The following PTPRN variants were observed in gnomAD, a reference collection of about 807,000 sequenced individuals.
The protein encoded by PTPRN is receptor-type tyrosine-protein phosphatase-like N.
Under a neutral mutation model 108.5 loss-of-function variants are expected in PTPRN, and 70 were observed. The ratio of observed to expected loss-of-function variants is 0.65; its 90% CI spans 0.53 to 0.79. The LOEUF is 0.79. PTPRN is among the 30% of genes least tolerant of loss of function. The pLI is 0.00. For missense variants in PTPRN, 1,136 were observed against 1,295.5 expected, an observed-to-expected ratio of 0.88 and a Z score of 1.89; for synonymous variants, 496 against 524.6, an observed-to-expected ratio of 0.95 and a Z score of 0.75.
At chr2:219,309,071 T>C (rs1574936652) in intron 1 of PTPRN, 147 bp downstream of exon 1, 1 of 1,367,044 alleles carries the variant, frequency 7.3e-7, no homozygotes, top group Non-Finnish European at 9.6e-7. Flanking sequence ...CGAGACGCCC[T>C]CTCACCTTCC....
chr2:219,302,189 C>T lies in PTPRN; in HGVS notation c.942G>A (p.Lys314=), dbSNP rs1457243111. 1 of 1,609,396 alleles carries T rather than the reference C, an allele frequency of 6.2e-7. No individual in the cohort carries two copies. The highest frequency in any genetic ancestry group is 1.1e-5 in the South Asian group (1 of 90,940). ...RAEDSPEGYE[K]EGLGDRGEKP... is the part of the protein sequence containing the mutation. ...TCTCTCCACGATCCCCTAGTCCTTCCTTCTCATAGCCCTCTGGGGAGTCCT... is the reference window on the plus strand; with the variant it reads ...TCTCTCCACGATCCCCTAGTCCTTCTTTCTCATAGCCCTCTGGGGAGTCCT... The change falls in exon 6 of 23, where the codon AAG becomes AAA. Residue 314 remains lysine (K), a synonymous_variant. Transcript: ENST00000295718.
At chr2:219,302,001 T>G in intron 6 of PTPRN, 136 bp downstream of exon 6, 2 of 910,130 alleles carry the variant, frequency 2.2e-6, no homozygotes, top group Middle Eastern at 2.9e-4. Context: ...TAGAACAGCT[T>G]GTCAGTAGAC....
chr2:219,290,172 C>A lies in PTPRN; in HGVS notation c.*54G>T. 6.6e-7 allele frequency: 1 copy of A among 1,508,384 alleles called. No homozygotes were observed. Among genetic ancestry groups the A allele is most frequent in the South Asian group, 1.1e-5 (1 of 88,612 alleles). The allele number at this position is 1,508,384 out of a possible 1,614,324, so 93.4% of individuals were successfully genotyped here. The stretch of plus-strand genomic sequence containing the variant: ...TGAGGAGTGGGTACACAGAGATGCT[C>A]ACACAGGCAAAGAGGGACAGAGGCT... On this transcript the variant is annotated 3_prime_UTR_variant, in exon 23 of 23. Transcript: ENST00000295718. The surrounding 1 kb of genome is among the most constrained non-coding windows in gnomAD (Gnocchi z 4.2).
rs137930735 is a variant in PTPRN, at chr2:219,297,994, G to A, written c.1778C>T (p.Ala593Val). Reference sequence around the variant, plus strand: ...CCGCACACACAGAGCCACAGCCAGAGCCACCAGCAGCCCAGCCACACCTGC... The same window carrying A: ...CCGCACACACAGAGCCACAGCCAGAACCACCAGCAGCCCAGCCACACCTGC... ...ALAGVAGLLV[A>V]LAVALCVRQH... The change falls in exon 13 of 23, where the codon GCT becomes GTT. Residue 593 changes from alanine (A) to valine (V), a missense_variant. Coordinates refer to ENST00000295718, the MANE Select transcript of PTPRN (RefSeq NM_002846.4). The surrounding 1 kb of genome is among the most constrained non-coding windows in gnomAD (Gnocchi z 6.0). The A allele has an allele frequency of 1.1e-3, 1,804 of 1,613,862 alleles. 34 individuals are homozygous for A. Among genetic ancestry groups the A allele is most frequent in the Non-Finnish European group, 6.0e-5 (71 of 1,179,962 alleles).
chr2:219,304,491 C>CA (rs983823983), intron 3 of PTPRN, among the ~76,000 whole-genome samples: 1 of 152,016 alleles, frequency 6.6e-6, no homozygotes, highest in Non-Finnish European at 1.5e-5. Context: ...CTCTTTCCCC[C>CA]AAAAAAACTC....
intron 8 of PTPRN, chr2:219,300,511 C>G: frequency 2.1e-6 from 1 of 485,376 alleles, no homozygotes; most frequent in East Asian, 3.3e-5. Context: ...ACAGAAAACC[C>G]CTGCAGCAAG....
intron 19 of PTPRN, 149 bp downstream of exon 19, chr2:219,294,826 A>G: frequency 1.2e-6 from 1 of 810,182 alleles, no homozygotes; most frequent in East Asian, 3.4e-5. Flanking sequence ...GCCTGCTTTT[A>G]GGGGTGGGAG....
rs1014273528 is a variant in PTPRN at position 219,290,482 on chromosome 2, G to A, written c.2868+56C>T. The A allele has an allele frequency of 1.3e-6, 2 of 1,505,526 alleles. No individual in the cohort carries two copies. Among genetic ancestry groups the A allele is most frequent in the African/African-American group, 1.4e-5 (1 of 72,196 alleles). 93.3% of individuals were successfully genotyped at this position (1,505,526 alleles called of 1,614,324 possible). The stretch of plus-strand genomic sequence containing the variant: ...CTGCTGCTTTCCCTGGGGTGGCCAA[G>A]AAGTGGGTGCTAGGGAAGGGTGGGA... On this transcript the variant is annotated intron_variant, in intron 22 of 22. Transcript: ENST00000295718. This position sits in a 1 kb window ranked among gnomAD's most constrained non-coding sequence, Gnocchi z 4.2.
chr2:219,300,231 T>C lies in PTPRN; in HGVS notation c.1190A>G (p.Asp397Gly), dbSNP rs778990732. ...KTMEGPVEGR[D>G]TAELPARTSP... ...TGTGCGGGCTGGAAGCTCTGCTGTG[T>C]CTCTGCCCTCCACCGGCCCCTCCAT... The change falls in exon 9 of 23, where the codon GAC becomes GGC. Residue 397 changes from aspartate (D) to glycine (G), a missense_variant. Coordinates refer to ENST00000295718, the MANE Select transcript of PTPRN (RefSeq NM_002846.4). 6.3e-7 allele frequency: 1 copy of C among 1,586,914 alleles called. No homozygotes were observed. Among genetic ancestry groups the C allele is most frequent in the Non-Finnish European group, 8.6e-7 (1 of 1,164,940 alleles).
At position 219,290,006 on chromosome 2, in the gene PTPRN, AG is replaced by A; in HGVS notation, c.*219del. On this transcript the variant is annotated 3_prime_UTR_variant, in exon 23 of 23. Coordinates refer to ENST00000295718, the MANE Select transcript of PTPRN (RefSeq NM_002846.4). The surrounding 1 kb of genome is among the most constrained non-coding windows in gnomAD (Gnocchi z 4.2). ...TGTCCTTTCCTCTCCTCCTGGCTGCAGCACCCCCATGGGATGCCCTGGGCTC... is the reference window on the plus strand; with the variant it reads ...TGTCCTTTCCTCTCCTCCTGGCTGCACACCCCCATGGGATGCCCTGGGCTC... 1.7e-6 allele frequency: 1 copy of A among 576,582 alleles called. No individual in the cohort carries two copies. The highest frequency in any genetic ancestry group is 3.1e-6 in the Non-Finnish European group (1 of 317,508). The allele number at this position is 576,582 out of a possible 1,614,324, so 35.7% of individuals were successfully genotyped here.
intron 19 of PTPRN, chr2:219,294,285 G>A: frequency 2.4e-6 from 1 of 410,676 alleles, no homozygotes; most frequent in African/African-American, 2.0e-5. Context: ...GAGACGGACA[G>A]AGCAGCAGAG....
chr2:219,295,909 G>A (rs1952180116), intron 18 of PTPRN: 1 of 267,570 alleles, frequency 3.7e-6, no homozygotes, highest in South Asian at 6.1e-5. Context: ...CGGTTTTGGT[G>A]GTTTTATAGT....
chr2:219,307,676 C>A (rs1952518282), intron 2 of PTPRN, 116 bp downstream of exon 2: 1 of 1,472,446 alleles, frequency 6.8e-7, no homozygotes, highest in South Asian at 1.2e-5. Flanking sequence ...CCAGGCAAGT[C>A]TTCCTTCTTC....
Position 219,296,694 on chromosome 2 carries a change from A to G in PTPRN, c.2310+55T>C, listed in dbSNP as rs1461243651. ...AGGTGACCACGGGGAAATGGAGTGC[A>G]TAGGGCCAGGATAATGATGGGGCAG... is the stretch of plus-strand genomic sequence containing the variant. On this transcript the variant is annotated intron_variant, in intron 16 of 22. Coordinates refer to ENST00000295718, the MANE Select transcript of PTPRN (RefSeq NM_002846.4). This position sits in a 1 kb window ranked among gnomAD's most constrained non-coding sequence, Gnocchi z 6.0. The G allele has an allele frequency of 3.1e-6, 5 of 1,601,422 alleles. No individual in the cohort carries two copies. The highest frequency in any genetic ancestry group is 4.3e-6 in the Non-Finnish European group (5 of 1,171,810).
chr2:219,294,219 A>G (rs767466844), intron 19 of PTPRN: 1 of 471,086 alleles, frequency 2.1e-6, no homozygotes, highest in Non-Finnish European at 4.4e-6. Flanking sequence ...AGAAAGAGGG[A>G]AGAAGGGAGA....
At position 219,297,239 on chromosome 2, in the gene PTPRN, C is replaced by G; in HGVS notation, c.2082G>C (p.Met694Ile). 1 of 1,613,872 alleles carries G rather than the reference C, an allele frequency of 6.2e-7. No individual in the cohort carries two copies. Among genetic ancestry groups the G allele is most frequent in the Non-Finnish European group, 8.5e-7 (1 of 1,179,882 alleles). Residue 694 changes from methionine (M) to isoleucine (I), a missense_variant, in exon 14 of 23, where the codon ATG becomes ATC. Met to Ile is a conservative substitution (Grantham distance 10). Coordinates refer to ENST00000295718, the MANE Select transcript of PTPRN (RefSeq NM_002846.4). The surrounding 1 kb of genome is among the most constrained non-coding windows in gnomAD (Gnocchi z 6.0). ...QANMDISTGHMILAYMEDHLR... is the reference protein window; with the variant it reads ...QANMDISTGHIILAYMEDHLR... The stretch of plus-strand genomic sequence containing the variant: ...GCCCAGGCCCTGTCCTGACCAGAAT[C>G]ATGTGTCCCGTGGAGATGTCCATGT...
chr2:219,295,249 C>G (rs1217246050), intron 18 of PTPRN, 108 bp from the exon 19 acceptor site: 3 of 1,246,890 alleles, frequency 2.4e-6, no homozygotes, highest in Non-Finnish European at 3.3e-6. Flanking sequence ...CCCGGCCTCC[C>G]AGGCCGGTTC....
chr2:219,296,955 G>T lies in PTPRN; in HGVS notation c.2236+30C>A. ...CAGACCTCGCAGCAGAGAGAGGGCT[G>T]GGCCAGGTGGGCCAGCAGGGTTCAC... On this transcript the variant is annotated intron_variant, in intron 15 of 22. Transcript: ENST00000295718. The surrounding 1 kb of genome is among the most constrained non-coding windows in gnomAD (Gnocchi z 6.0). The T allele has an allele frequency of 6.2e-7, 1 of 1,613,308 alleles. No homozygotes were observed. Among genetic ancestry groups the T allele is most frequent in the Non-Finnish European group, 8.5e-7 (1 of 1,179,634 alleles).
At position 219,309,345 on chromosome 2, in the gene PTPRN, C is replaced by T. The variant is rs1221903449; in HGVS notation, c.-13G>A. ...GCGGGCGCCGCATCTTTCCGAGCTC[C>T]GGGCGCTCGCTCCCGGGCCGGAGCC... On this transcript the variant is annotated 5_prime_UTR_variant, in exon 1 of 23. Transcript: ENST00000295718. 25 of 1,370,270 alleles carry T rather than the reference C, an allele frequency of 1.8e-5. No individual in the cohort carries two copies. The highest frequency in any genetic ancestry group is 3.1e-5 in the African/African-American group (2 of 64,992). The allele number at this position is 1,370,270 out of a possible 1,614,324, so 84.9% of individuals were successfully genotyped here.
Sources: gnomAD v4.1 joint callset for allele counts (sites outside exome capture counted in the v4.1 genomes callset) on GRCh38, gnomAD v4.1.1 for gene constraint, Gnocchi (gnomAD v3.1) non-coding constraint, MANE v1.5 for transcripts, NCBI Gene and HGNC (gene_info 2026-07-23, HGNC 2026-07-21) for gene names.